The following CATSPERB variants were observed in gnomAD, a reference collection of about 807,000 sequenced individuals.
The protein encoded by CATSPERB is catsper channel auxiliary subunit beta, also known as cation channel sperm-associated auxiliary subunit beta.
Under a neutral mutation model 128.3 loss-of-function variants are expected in CATSPERB, and 93 were observed. The observed-to-expected ratio is 0.72, with a 90% CI of 0.61 to 0.86. The LOEUF is 0.86. Ranked by LOEUF, CATSPERB falls within the 40% of genes least tolerant of loss-of-function variation. The pLI, the probability that CATSPERB is intolerant of heterozygous loss-of-function variation, is 0.00. For synonymous variants in CATSPERB, 381 were observed against 448.8 expected (o/e 0.85, Z 1.91); for missense variants, 1,153 against 1,329.5 (o/e 0.87, Z 2.06).
At chr14:91,631,580 G>A (rs1894277835) in intron 17 of CATSPERB, among the ~76,000 whole-genome samples, 2 of 152,068 alleles carry the variant, frequency 1.3e-5, no homozygotes, top group South Asian at 2.1e-4. Context: ...CAGGAGAATC[G>A]CTTGAACCCA....
chr14:91,621,853 A>G lies in CATSPERB; in HGVS notation c.2015T>C (p.Leu672Ser), dbSNP rs756927947. 1.2e-6 allele frequency: 2 copies of G among 1,614,120 alleles called. No homozygotes were observed. Among genetic ancestry groups the G allele is most frequent in the Non-Finnish European group, 1.7e-6 (2 of 1,179,974 alleles). Reference sequence around the variant, plus strand: ...AATGGCTAATGCATTCTTATTATCTAAAATGCTTGTGATGAGGAAGCTGCT... The same window carrying G: ...AATGGCTAATGCATTCTTATTATCTGAAATGCTTGTGATGAGGAAGCTGCT... ...GYSSFLITSILDNKNALAIAT... is the reference protein window; with the variant it reads ...GYSSFLITSISDNKNALAIAT... The change falls in exon 19 of 27, where the codon TTA (leucine) becomes TCA (serine). Residue 672 changes from leucine to serine, a missense_variant. Transcript: ENST00000256343.
At chr14:91,673,407 A>G (rs1232112865) in intron 12 of CATSPERB, among the ~76,000 whole-genome samples, 1 of 152,152 alleles carries the variant, frequency 6.6e-6, no homozygotes, top group Non-Finnish European at 1.5e-5. Flanking sequence ...ATTTTTATCT[A>G]CCATTCTCCT....
intron 22 of CATSPERB, among the ~76,000 whole-genome samples, chr14:91,593,547 G>A (rs940988558): frequency 6.6e-6 from 1 of 152,204 alleles, no homozygotes; most frequent in South Asian, 2.1e-4. Context: ...TAACCCCTTG[G>A]TTTTGGCAAA....
intron 11 of CATSPERB, among the ~76,000 whole-genome samples, chr14:91,678,088 G>T (rs1196152447): frequency 6.6e-6 from 1 of 152,148 alleles, no homozygotes; most frequent in Admixed American, 6.5e-5. Context: ...CAGGTGGGGG[G>T]CAAGGGGGGA....
chr14:91,607,803 C>T lies in CATSPERB; in HGVS notation c.2709+491G>A, dbSNP rs575680935. 2.6e-4 allele frequency among the ~76,000 whole-genome samples: 39 copies of T among 152,192 alleles called. No homozygotes were observed. In the South Asian group the frequency reaches 7.9e-3, roughly 31 times the overall value. ...CATGTGGTCTCCTTGAGAAGCTGCC[C>T]CACGCTGCACTTTTCCTCTGAACCT... is the stretch of plus-strand genomic sequence containing the variant. On this transcript the variant is annotated intron_variant, in intron 22 of 26. Transcript: ENST00000256343.
intron 3 of CATSPERB, 112 bp downstream of exon 3, chr14:91,724,968 C>A: frequency 2.3e-6 from 1 of 439,034 alleles, no homozygotes; most frequent in African/African-American, 2.0e-5. Context: ...TTTTCCCTCC[C>A]CAAGACTGAA....
chr14:91,583,374 G>A (rs956879362), intron 26 of CATSPERB, among the ~76,000 whole-genome samples: 15 of 152,034 alleles, frequency 9.9e-5, no homozygotes, highest in Non-Finnish European at 1.6e-4. Flanking sequence ...AGCCGAGATC[G>A]TGCCATGGCA....
intron 11 of CATSPERB, among the ~76,000 whole-genome samples, chr14:91,675,544 C>A: frequency 6.6e-6 from 1 of 152,194 alleles, no homozygotes; most frequent in East Asian, 1.9e-4. Flanking sequence ...TCTGTGGCAC[C>A]ACTTGAGCTT....
intron 22 of CATSPERB, among the ~76,000 whole-genome samples, chr14:91,595,790 T>C (rs1317993118): frequency 6.6e-6 from 1 of 152,196 alleles, no homozygotes; most frequent in Admixed American, 6.5e-5. Flanking sequence ...GAAAACAGAT[T>C]CTTACTGCAC....
chr14:91,604,310 C>G (rs1893661079), intron 22 of CATSPERB: 1 of 730,022 alleles, frequency 1.4e-6, no homozygotes, highest in African/African-American at 1.7e-5. Flanking sequence ...GGTTTCCAAA[C>G]AAGAAAAATC....
chr14:91,731,336 T>C (rs1050911174), intron 1 of CATSPERB, among the ~76,000 whole-genome samples: 6 of 152,208 alleles, frequency 3.9e-5, no homozygotes, highest in African/African-American at 1.2e-4. Context: ...TTATTTTCCC[T>C]TCAATATTAC....
At chr14:91,622,893 CTTTTTT>C (rs11432858) in intron 18 of CATSPERB, among the ~76,000 whole-genome samples, 2 of 127,804 alleles carry the variant, frequency 1.6e-5, no homozygotes, top group African/African-American at 5.9e-5. Flanking sequence ...TTCTCAATGA[CTTTTTT>C]TTTTTTTTTT....
At chr14:91,605,362 T>A (rs547596761) in intron 22 of CATSPERB, 5 of 638,996 alleles carry the variant, frequency 7.8e-6, no homozygotes, top group South Asian at 6.0e-5. Flanking sequence ...AGAGCTGGAC[T>A]GGAAAAAAGG....
At chr14:91,675,861 G>C (rs1895184040) in intron 11 of CATSPERB, among the ~76,000 whole-genome samples, 1 of 152,120 alleles carries the variant, frequency 6.6e-6, no homozygotes, top group Admixed American at 6.6e-5. Context: ...TCTCAGAGCT[G>C]TGCCAAATCT....
At chr14:91,680,946 C>A (rs1172841922) in intron 11 of CATSPERB, among the ~76,000 whole-genome samples, 2 of 152,122 alleles carry the variant, frequency 1.3e-5, no homozygotes, top group African/African-American at 2.4e-5. Flanking sequence ...CTATTGACCA[C>A]TATTAATTAT....
chr14:91,611,601 C>T (rs1235101595), intron 20 of CATSPERB, among the ~76,000 whole-genome samples: 1 of 151,726 alleles, frequency 6.6e-6, no homozygotes, highest in Non-Finnish European at 1.5e-5. Context: ...CAGAGCTAGC[C>T]GTCTCAAAAA....
Position 91,591,995 on chromosome 14 carries a change from C to T in CATSPERB, c.2717G>A (p.Gly906Asp). 1 of 1,611,418 alleles carries T rather than the reference C, an allele frequency of 6.2e-7. No homozygotes were observed. The change falls in exon 23 of 27, where the codon GGT becomes GAT. Residue 906 changes from glycine to aspartate, a missense_variant. Physicochemically the swap from Gly to Asp is moderately conservative, Grantham distance 94 (BLOSUM62 -1). Transcript: ENST00000256343. ...RNMFHMSKKTGKFKQCANVST... is the reference protein window; with the variant it reads ...RNMFHMSKKTDKFKQCANVST... ...AACATTAGCACACTGTTTGAATTTACCGGTTTTCTGCAAATAGAAGTAACA... is the reference window on the plus strand; with the variant it reads ...AACATTAGCACACTGTTTGAATTTATCGGTTTTCTGCAAATAGAAGTAACA...
At chr14:91,693,330 CA>C (rs1566733127) in intron 8 of CATSPERB, 53 bp downstream of exon 8, 2 of 1,548,744 alleles carry the variant, frequency 1.3e-6, no homozygotes, top group South Asian at 2.3e-5. Context: ...AGATATTAAT[CA>C]AATATTGATG....
intron 26 of CATSPERB, 65 bp from the exon 27 acceptor site, chr14:91,581,172 A>G (rs1361825460): frequency 9.3e-6 from 12 of 1,294,002 alleles, no homozygotes; most frequent in Non-Finnish European, 9.8e-6. Context: ...CTGAAAATTT[A>G]ATGTTCCCCA....
Sources: allele counts gnomAD v4.1 joint callset (sites outside exome capture counted in the v4.1 genomes callset), GRCh38; gene constraint gnomAD v4.1.1; transcripts MANE v1.5; gene names NCBI Gene and HGNC (gene_info 2026-07-23, HGNC 2026-07-21).